The following PDE11A variants were observed in gnomAD, a reference collection of about 807,000 sequenced individuals.
PDE11A encodes the protein dual 3',5'-cyclic-AMP and -GMP phosphodiesterase 11A.
Under a neutral mutation model 100.5 loss-of-function variants are expected in PDE11A, and 100 were observed. The ratio of observed to expected loss-of-function variants is 1.00; its 90% CI spans 0.85 to 1.18. The LOEUF is 1.18. Ranked by LOEUF, PDE11A falls within the 50% of genes most tolerant of loss-of-function variation. The pLI is 0.00. For synonymous variants in PDE11A, 381 were observed against 420.8 expected (o/e 0.91, Z 1.16); for missense variants, 1,141 against 1,152.6 (o/e 0.99, Z 0.15).
At chr2:177,832,010 A>C (rs2083317019) in intron 6 of PDE11A, among the ~76,000 whole-genome samples, 1 of 152,090 alleles carries the variant, frequency 6.6e-6, no homozygotes, top group African/African-American at 2.4e-5. Context: ...ACGGCAGGAG[A>C]GGCCCCCCCT....
intron 1 of PDE11A, among the ~76,000 whole-genome samples, chr2:178,033,462 T>C (rs1284509747): frequency 1.3e-5 from 2 of 152,162 alleles, no homozygotes; most frequent in Non-Finnish European, 2.9e-5. Flanking sequence ...TGGAACCAAG[T>C]TGGAAAACAC....
chr2:177,711,334 C>T (rs950927206), intron 13 of PDE11A, among the ~76,000 whole-genome samples: 2 of 152,168 alleles, frequency 1.3e-5, no homozygotes, highest in Non-Finnish European at 2.9e-5. Context: ...TAATACCCAA[C>T]ATCAAAAGAA....
chr2:177,646,753 A>G (rs2080229565), intron 19 of PDE11A, among the ~76,000 whole-genome samples: 1 of 152,248 alleles, frequency 6.6e-6, no homozygotes, highest in South Asian at 2.1e-4. Flanking sequence ...TGAGTAAAGA[A>G]GAAACACCAC....
At chr2:177,689,394 C>T (rs2081007670) in intron 15 of PDE11A, among the ~76,000 whole-genome samples, 1 of 152,148 alleles carries the variant, frequency 6.6e-6, no homozygotes, top group Admixed American at 6.6e-5. Context: ...TAACTCTCCT[C>T]AATTTTAACT....
chr2:177,912,840 T>G (rs1412274141), intron 2 of PDE11A, among the ~76,000 whole-genome samples: 1 of 152,208 alleles, frequency 6.6e-6, no homozygotes, highest in Non-Finnish European at 1.5e-5. Context: ...TTTTTTCACT[T>G]TTTATAACTA....
In PDE11A at chr2:177,751,128, GA is replaced by G. The variant is rs5836625; in HGVS notation, c.1788+18194del. ...TAATGCATAGAGTCATAGTGAGTAA[GA>G]AAAAAAAAAAAAAGCTCTCCAAAGC... On this transcript the variant is annotated intron_variant, in intron 10 of 19. Coordinates refer to ENST00000286063, the MANE Select transcript of PDE11A (RefSeq NM_016953.4). 3.7e-3 allele frequency among the ~76,000 whole-genome samples: 529 copies of G among 144,286 alleles called. 5 individuals carry two copies. The East Asian group carries it at 0.049, about 13-fold the overall frequency. 94.7% of individuals were successfully genotyped at this position (144,286 alleles called of 152,430 possible). A position where few individuals can be genotyped will look rare whatever the true frequency, so the allele number is the denominator to read the frequency against.
chr2:177,631,338 G>A (rs1661704199), intron 19 of PDE11A, among the ~76,000 whole-genome samples: 2 of 144,326 alleles, frequency 1.4e-5, no homozygotes, highest in South Asian at 4.3e-4. Flanking sequence ...TAGGCGTGGT[G>A]GCACATGCCT....
intron 5 of PDE11A, among the ~76,000 whole-genome samples, chr2:177,853,929 T>C (rs1413501062): frequency 1.4e-5 from 2 of 147,646 alleles, no homozygotes; most frequent in Non-Finnish European, 3.0e-5. Context: ...TATATGTATA[T>C]ATATGTGTGT....
chr2:177,931,454 T>C (rs1227247898), intron 2 of PDE11A, among the ~76,000 whole-genome samples: 2 of 152,152 alleles, frequency 1.3e-5, no homozygotes, highest in Admixed American at 1.3e-4. Context: ...ACCATACTCC[T>C]GGACTACAGT....
chr2:177,845,472 T>C (rs1324278356), intron 5 of PDE11A, among the ~76,000 whole-genome samples: 7 of 148,866 alleles, frequency 4.7e-5, no homozygotes, highest in Non-Finnish European at 7.4e-5. Flanking sequence ...CTAGATGTGA[T>C]GGCGGCCGGG....
At chr2:177,739,327 C>T (rs1389186659) in intron 10 of PDE11A, among the ~76,000 whole-genome samples, 2 of 152,164 alleles carry the variant, frequency 1.3e-5, no homozygotes, top group Admixed American at 6.5e-5. Context: ...TAGCTAATGG[C>T]AATAGTAGGC....
intron 19 of PDE11A, among the ~76,000 whole-genome samples, chr2:177,647,604 G>T (rs570450010): frequency 1.8e-4 from 27 of 152,128 alleles, no homozygotes; most frequent in Admixed American, 9.8e-4. Flanking sequence ...GTTTAAAGGT[G>T]GCTTCCTGCC....
intron 9 of PDE11A, among the ~76,000 whole-genome samples, chr2:177,791,395 G>C (rs2082630040): frequency 8.6e-6 from 1 of 116,136 alleles, no homozygotes; most frequent in Non-Finnish European, 1.7e-5. Context: ...TGTCGGGTGG[G>C]GGGAGGGGGG....
intron 9 of PDE11A, among the ~76,000 whole-genome samples, chr2:177,779,192 T>C (rs1186208938): frequency 2.0e-5 from 3 of 152,204 alleles, no homozygotes; most frequent in African/African-American, 4.8e-5. Flanking sequence ...ACAATGCACA[T>C]ACCTTAATTT....
chr2:177,727,916 G>A lies in PDE11A; in HGVS notation c.1935+110C>T. The A allele has an allele frequency of 1.0e-5, 11 of 1,053,720 alleles. No individual in the cohort carries two copies. The South Asian group carries it at 1.4e-4, about 14-fold the overall frequency. 65.3% of individuals were successfully genotyped at this position (1,053,720 alleles called of 1,614,324 possible). A position where few individuals can be genotyped will look rare whatever the true frequency, so the allele number is the denominator to read the frequency against. On this transcript the variant is annotated intron_variant, in intron 11 of 19. Transcript: ENST00000286063. ...TTCTCACAGTAATCCCATGAGGTGT[G>A]CAGGGCAGGGATTATCATCCCCATT...
intron 12 of PDE11A, among the ~76,000 whole-genome samples, chr2:177,725,754 G>T (rs2105444801): frequency 6.6e-6 from 1 of 152,216 alleles, no homozygotes; most frequent in East Asian, 1.9e-4. Context: ...CAGAAAACTG[G>T]ATATATATTT....
In PDE11A at chr2:178,030,674, G is replaced by C. The variant is rs117970404; in HGVS notation, c.913-16214C>G. ...AAAGATTGCTTGAGCCCTGGAGTTT[G>C]AGACTAGAGTGGGCAACATTGTGGA... On this transcript the variant is annotated intron_variant, in intron 1 of 19. Coordinates refer to ENST00000286063, the MANE Select transcript of PDE11A (RefSeq NM_016953.4). Among the ~76,000 whole-genome samples, 5 of 152,222 alleles carry C rather than the reference G, an allele frequency of 3.3e-5. No homozygotes were observed. In the East Asian group the frequency reaches 9.7e-4, roughly 29 times the overall value.
intron 6 of PDE11A, among the ~76,000 whole-genome samples, chr2:177,835,759 C>T (rs933892018): frequency 6.6e-6 from 1 of 152,178 alleles, no homozygotes; most frequent in Non-Finnish European, 1.5e-5. Flanking sequence ...GCGGGCCCTG[C>T]ATTCGGAGCG....
At chr2:177,874,345 C>T (rs923687880) in intron 5 of PDE11A, among the ~76,000 whole-genome samples, 1 of 152,182 alleles carries the variant, frequency 6.6e-6, no homozygotes, top group African/African-American at 2.4e-5. Flanking sequence ...ACATAACAGT[C>T]AAATAATGGA....
Sources: allele counts gnomAD v4.1 joint callset (sites outside exome capture counted in the v4.1 genomes callset), GRCh38; gene constraint gnomAD v4.1.1; transcripts MANE v1.5; gene names NCBI Gene and HGNC (gene_info 2026-07-23, HGNC 2026-07-21).